Variants in IL1R1 observed in about 807,000 individuals in gnomAD.
IL1R1 encodes interleukin 1 receptor type 1, also known as interleukin-1 receptor type 1.
A neutral mutation model predicts 50.2 loss-of-function variants in IL1R1; 22 were observed. That is an observed-to-expected ratio of 0.44 (90% CI 0.31 to 0.63). The LOEUF (loss-of-function observed/expected upper bound fraction) is 0.63, where lower values mean the gene tolerates loss of function less well. Ranked by LOEUF, IL1R1 falls within the 20% of genes least tolerant of loss-of-function variation. The pLI is 0.07. For missense variants in IL1R1, 509 were observed against 676.2 expected (o/e 0.75, Z 2.74); for synonymous variants, 251 against 236.7 (o/e 1.06, Z -0.55).
intron 1 of IL1R1, among the ~76,000 whole-genome samples, chr2:102,095,061 A>G (rs1404391440): frequency 6.6e-6 from 1 of 152,130 alleles, no homozygotes; most frequent in Non-Finnish European, 1.5e-5. Flanking sequence ...CTTAACAGAT[A>G]CGCCACTTCA....
chr2:102,106,247 T>C (rs1376598824), intron 1 of IL1R1, among the ~76,000 whole-genome samples: 1 of 152,118 alleles, frequency 6.6e-6, no homozygotes, highest in African/African-American at 2.4e-5. Flanking sequence ...TCTGTGTGTG[T>C]GTGTCTGTGT....
intron 1 of IL1R1, among the ~76,000 whole-genome samples, chr2:102,114,406 C>G (rs1680952483): frequency 6.6e-6 from 1 of 152,160 alleles, no homozygotes; most frequent in Non-Finnish European, 1.5e-5. Context: ...GGGTTCTTTC[C>G]TGTAGGGAAA....
At chr2:102,104,131 G>T (rs539956721), upstream of IL1R1, among the ~76,000 whole-genome samples, 1 of 152,278 alleles carries the variant, frequency 6.6e-6, no homozygotes, top group Non-Finnish European at 1.5e-5. Flanking sequence ...CACCTCCAGG[G>T]TGTGGTGAAG....
At chr2:102,168,520 T>C in intron 6 of IL1R1, 78 bp from the exon 7 acceptor site, 2 of 1,095,790 alleles carry the variant, frequency 1.8e-6, no homozygotes, top group East Asian at 2.4e-5. Context: ...TCATTTAGTA[T>C]GTTTTGCTAA....
chr2:102,115,523 A>G (rs1309138830), intron 1 of IL1R1, among the ~76,000 whole-genome samples: 2 of 152,244 alleles, frequency 1.3e-5, no homozygotes, highest in Non-Finnish European at 2.9e-5. Context: ...TTAACTGAAC[A>G]GCAGGGGAGA....
At chr2:102,171,460 A>G (rs1685666258) in intron 7 of IL1R1, among the ~76,000 whole-genome samples, 1 of 152,238 alleles carries the variant, frequency 6.6e-6, no homozygotes, top group African/African-American at 2.4e-5. Flanking sequence ...TCAATAGGAA[A>G]TAGTTAATCA....
At chr2:102,156,123 T>G (rs892941182) in intron 2 of IL1R1, 2 of 152,412 alleles carry the variant, frequency 1.3e-5, no homozygotes, top group African/African-American at 4.8e-5. Flanking sequence ...TTAACCCTTC[T>G]TTCCTTCCTC....
At chr2:102,093,408 G>GA (rs1679765767) in intron 1 of IL1R1, among the ~76,000 whole-genome samples, 1 of 152,172 alleles carries the variant, frequency 6.6e-6, no homozygotes, top group Non-Finnish European at 1.5e-5. Context: ...AACTTTTGGG[G>GA]AAAATGTAAA....
rs369683485 is a variant in IL1R1 at position 102,131,764 on chromosome 2, G to A, written c.-83-22177G>A. Among the ~76,000 whole-genome samples, 11 of 152,206 alleles carry A rather than the reference G, an allele frequency of 7.2e-5. No individual in the cohort carries two copies. In the East Asian group the frequency reaches 1.9e-3, roughly 27 times the overall value. ...AATTGGAGTCACTCAAGGGAAAAAG[G>A]GAGTGACAGGAAAAATATTTGAAGA... On this transcript the variant is annotated intron_variant, in intron 1 of 10. Coordinates refer to the IL1R1 transcript ENST00000409329.
In IL1R1 at chr2:102,136,255, A is replaced by G. The variant is rs1304069173; in HGVS notation, c.-83-17686A>G. On this transcript the variant is annotated intron_variant, in intron 1 of 10. Coordinates refer to the IL1R1 transcript ENST00000409329. ...CTCTTAACACAGTAATCTACCCGTG[A>G]TAGGGCAAGAAACAAAGAAGGAATC... 1.3e-5 allele frequency among the ~76,000 whole-genome samples: 2 copies of G among 152,134 alleles called. 1 individual carries two copies. Among genetic ancestry groups the G allele is most frequent in the Admixed American group, 1.3e-4 (2 of 15,282 alleles).
intron 1 of IL1R1, among the ~76,000 whole-genome samples, chr2:102,091,198 G>C (rs761770578): frequency 2.0e-5 from 3 of 152,174 alleles, no homozygotes; most frequent in Non-Finnish European, 2.9e-5. Context: ...CAAATGTTTT[G>C]ATGGAAAACA....
chr2:102,081,169 A>T (rs1403302771), intron 1 of IL1R1, among the ~76,000 whole-genome samples: 4 of 152,072 alleles, frequency 2.6e-5, no homozygotes. Flanking sequence ...ATATACTGAA[A>T]CCCTTTGAAT....
At chr2:102,154,278 A>G (rs2287049) in intron 2 of IL1R1, among the ~76,000 whole-genome samples, 62,416 of 152,014 alleles carry the variant, frequency 0.41, 14,471 homozygotes, top group African/African-American at 0.64. Flanking sequence ...CTGGGAAATG[A>G]TGGGTTCCAG....
At chr2:102,119,826 T>C (rs1681307178) in intron 1 of IL1R1, among the ~76,000 whole-genome samples, 1 of 152,186 alleles carries the variant, frequency 6.6e-6, no homozygotes, top group African/African-American at 2.4e-5. Context: ...TAAAATCAAC[T>C]CTCTTAGCAA....
At position 102,168,631 on chromosome 2, in the gene IL1R1, G is replaced by A. The variant is rs1280285850; in HGVS notation, c.689G>A (p.Ser230Asn). Residue 230 changes from serine to asparagine, a missense_variant, in exon 7 of 12, where the codon AGC becomes AAC. Physicochemically the swap from Ser to Asn is conservative, Grantham distance 46. Transcript: ENST00000410023. ...AAACCCACAAGGCCTGTGATTGTGAGCCCAGCTAATGAGACAATGGAAGTA... is the reference window on the plus strand; with the variant it reads ...AAACCCACAAGGCCTGTGATTGTGAACCCAGCTAATGAGACAATGGAAGTA... ...ENKPTRPVIV[S>N]PANETMEVDL... 1 of 1,613,678 alleles carries A rather than the reference G, an allele frequency of 6.2e-7. No homozygotes were observed. Among genetic ancestry groups the A allele is most frequent in the South Asian group, 1.1e-5 (1 of 91,052 alleles).
At chr2:102,104,552 C>T (rs1304188833), upstream of IL1R1, 2 of 152,190 alleles carry the variant, frequency 1.3e-5, no homozygotes, top group Non-Finnish European at 2.9e-5. Context: ...TCATAGTTCC[C>T]CAGATGTGTC....
intron 1 of IL1R1, among the ~76,000 whole-genome samples, chr2:102,112,217 C>T (rs777046686): frequency 3.3e-5 from 5 of 151,468 alleles, no homozygotes; most frequent in African/African-American, 9.7e-5. Flanking sequence ...CACAGGAGAC[C>T]GAGACAAAAT....
chr2:102,102,345 C>T (rs1680178911), upstream of IL1R1, among the ~76,000 whole-genome samples: 1 of 152,192 alleles, frequency 6.6e-6, no homozygotes, highest in Admixed American at 6.5e-5. Flanking sequence ...GGCTCTACCC[C>T]TGCCTGACTA....
chr2:102,131,961 T>C (rs1183758035), intron 1 of IL1R1, among the ~76,000 whole-genome samples: 1 of 151,998 alleles, frequency 6.6e-6, no homozygotes, highest in Non-Finnish European at 1.5e-5. Flanking sequence ...AAAATACGCC[T>C]ACCAAGAAAC....
Sources: gnomAD v4.1 joint callset for allele counts (sites outside exome capture counted in the v4.1 genomes callset) on GRCh38, gnomAD v4.1.1 for gene constraint, MANE v1.5 for transcripts, NCBI Gene and HGNC (gene_info 2026-07-23, HGNC 2026-07-21) for gene names.